Variants in SOHLH2 observed in about 807,000 individuals in gnomAD.
SOHLH2 encodes the protein spermatogenesis- and oogenesis-specific basic helix-loop-helix-containing protein 2.
SOHLH2 carries 22 observed loss-of-function variants against 50.4 expected under a neutral mutation model. The ratio of observed to expected loss-of-function variants is 0.44; its 90% CI spans 0.31 to 0.62. The LOEUF (loss-of-function observed/expected upper bound fraction) is 0.62, where lower values mean the gene tolerates loss of function less well. Among genes scored for constraint, SOHLH2 ranks in the 20% least tolerant of loss-of-function variants. The pLI is 0.08. For missense variants in SOHLH2, 412 were observed against 504.4 expected (o/e 0.82, Z 1.76); for synonymous variants, 185 against 187.3 (o/e 0.99, Z 0.10).
intron 9 of SOHLH2, among the ~76,000 whole-genome samples, chr13:36,173,286 CAGAG>C (rs1323446863): frequency 6.8e-6 from 1 of 146,778 alleles, no homozygotes; most frequent in East Asian, 1.9e-4. Flanking sequence ...ACAAATACAG[CAGAG>C]AAAGTGGCTG....
chr13:36,200,128 A>G (rs1887853318), intron 2 of SOHLH2, among the ~76,000 whole-genome samples: 1 of 152,204 alleles, frequency 6.6e-6, no homozygotes, highest in Non-Finnish European at 1.5e-5. Context: ...TCATCTGTCA[A>G]GTAAGGACAA....
Position 36,168,760 on chromosome 13 carries a change from G to T in SOHLH2, c.*274C>A. 2.2e-6 allele frequency: 1 copy of T among 449,468 alleles called. No homozygotes were observed. Among genetic ancestry groups the T allele is most frequent in the Middle Eastern group, 4.5e-4 (1 of 2,200 alleles). The allele number at this position is 449,468 out of a possible 1,614,324, so 27.8% of individuals were successfully genotyped here. The stretch of plus-strand genomic sequence containing the variant: ...GGAATATTTTTTGAGAAAAGAGAGT[G>T]TAGGTCACTGAGGCCATTTGTTCTT... On this transcript the variant is annotated 3_prime_UTR_variant, in exon 11 of 11. Transcript: ENST00000379881.
intron 9 of SOHLH2, among the ~76,000 whole-genome samples, chr13:36,171,569 G>A (rs1411477359): frequency 2.0e-5 from 3 of 152,148 alleles, no homozygotes; most frequent in African/African-American, 7.2e-5. Flanking sequence ...TGCATTAAGA[G>A]CCTATACATA....
intron 2 of SOHLH2, among the ~76,000 whole-genome samples, chr13:36,195,775 G>A (rs1450823004): frequency 6.6e-6 from 1 of 152,156 alleles, no homozygotes; most frequent in Admixed American, 6.5e-5. Flanking sequence ...TTAAGAAAAT[G>A]TGACACCACA....
At chr13:36,179,354 G>T (rs1440332206) in intron 6 of SOHLH2, among the ~76,000 whole-genome samples, 3 of 152,068 alleles carry the variant, frequency 2.0e-5, no homozygotes, top group Non-Finnish European at 4.4e-5. Flanking sequence ...TATTTTTTCA[G>T]AATTTGTTAA....
intron 9 of SOHLH2, among the ~76,000 whole-genome samples, chr13:36,172,370 T>C (rs1886983729): frequency 6.6e-6 from 1 of 152,240 alleles, no homozygotes; most frequent in Non-Finnish European, 1.5e-5. Context: ...GCAATTTTTT[T>C]TTCTTCTCCT....
chr13:36,178,611 T>C (rs117215307), intron 6 of SOHLH2, among the ~76,000 whole-genome samples: 7,677 of 152,234 alleles, frequency 0.05, 262 homozygotes, highest in Non-Finnish European at 0.075. Flanking sequence ...GTCCTTTTCA[T>C]ACATTGTAAA....
Position 36,174,728 on chromosome 13 carries a change from C to T in SOHLH2, c.783G>A (p.Met261Ile), listed in dbSNP as rs201421116. Residue 261 changes from methionine to isoleucine, a missense_variant, in exon 7 of 11, where the codon ATG (methionine) becomes ATA (isoleucine). Physicochemically the swap from Met to Ile is conservative, Grantham distance 10 (BLOSUM62 1). Transcript: ENST00000379881. ...YIREKISPAV[M>I]AQITEALQSN... ...AGCTTTGGGAGTCAAATACCTGGGC[C>T]ATAACGGCTGGAGAGATTTTCTCCC... 2.5e-6 allele frequency: 4 copies of T among 1,603,606 alleles called. No homozygotes were observed. The African/African-American group carries it at 4.0e-5, about 16-fold the overall frequency.
chr13:36,204,490 T>A (rs1403376408), intron 1 of SOHLH2, among the ~76,000 whole-genome samples: 1 of 152,136 alleles, frequency 6.6e-6, no homozygotes, highest in African/African-American at 2.4e-5. Flanking sequence ...CTGCTTTCAG[T>A]TTTCTTTTTT....
chr13:36,187,071 G>C (rs1887442082), intron 6 of SOHLH2, among the ~76,000 whole-genome samples: 1 of 152,166 alleles, frequency 6.6e-6, no homozygotes, highest in African/African-American at 2.4e-5. Context: ...TAAAGAGAAA[G>C]GGGGAGGTCC....
intron 10 of SOHLH2, 101 bp from the exon 11 acceptor site, chr13:36,169,155 A>C: frequency 1.4e-6 from 2 of 1,433,726 alleles, no homozygotes; most frequent in Non-Finnish European, 1.8e-6. Flanking sequence ...ATCTGAAATG[A>C]TTTGCAAAAC....
At position 36,193,734 on chromosome 13, in the gene SOHLH2, C is replaced by T. The variant is rs111797157; in HGVS notation, c.326-9G>A. On this transcript the variant is annotated splice_polypyrimidine_tract_variant and intron_variant, in intron 3 of 10. Transcript: ENST00000379881. Reference sequence around the variant, plus strand: ...ATGCCCTGAAATACAACCTAAGAATCTTTATATTAAATATTGACCTTATAG... The same window carrying T: ...ATGCCCTGAAATACAACCTAAGAATTTTTATATTAAATATTGACCTTATAG... 2.5e-5 allele frequency: 40 copies of T among 1,607,472 alleles called. No homozygotes were observed. Among genetic ancestry groups the T allele is most frequent in the African/African-American group, 1.5e-4 (11 of 74,584 alleles).
intron 9 of SOHLH2, among the ~76,000 whole-genome samples, chr13:36,172,454 G>A (rs1566034625): frequency 6.6e-6 from 1 of 152,140 alleles, no homozygotes; most frequent in East Asian, 1.9e-4. Context: ...TTGGTGATAT[G>A]AAGAATCAGG....
At chr13:36,183,321 C>G (rs1318209719) in intron 6 of SOHLH2, 1 of 167,568 alleles carries the variant, frequency 6.0e-6, no homozygotes, top group East Asian at 1.5e-4. Flanking sequence ...TGTATGACAA[C>G]AATAAGAAAA....
At position 36,170,512 on chromosome 13, in the gene SOHLH2, T is replaced by C. The variant is rs761904213; in HGVS notation, c.1257+19A>G. 4.3e-6 allele frequency: 7 copies of C among 1,610,486 alleles called. No homozygotes were observed. The highest frequency in any genetic ancestry group is 4.0e-5 in the African/African-American group (3 of 74,866). On this transcript the variant is annotated intron_variant, in intron 10 of 10. Transcript: ENST00000379881. ...GAGTGAAAGGGTCCAATCTGATCCA[T>C]GGACCCCTGGAAACTTACCAGACAG...
intron 6 of SOHLH2, among the ~76,000 whole-genome samples, chr13:36,177,949 T>C (rs1398505307): frequency 6.6e-6 from 1 of 151,996 alleles, no homozygotes; most frequent in African/African-American, 2.4e-5. Context: ...CTCTCATGGT[T>C]ATTGCTTTCT....
At chr13:36,200,962 T>A (rs1887883555) in intron 2 of SOHLH2, among the ~76,000 whole-genome samples, 1 of 141,446 alleles carries the variant, frequency 7.1e-6, no homozygotes, top group African/African-American at 2.7e-5. Flanking sequence ...GGCAGGAGAA[T>A]CACTTGAACC....
chr13:36,173,759 C>T lies in SOHLH2; in HGVS notation c.933G>A (p.Leu311=). ...TYSPERGLQF[L]TNTCWNGCST... ...AGCACCCATTCCAGCACGTATTAGTCAGGAATTGGAGCCCTCTCTCAGGGG... is the reference window on the plus strand; with the variant it reads ...AGCACCCATTCCAGCACGTATTAGTTAGGAATTGGAGCCCTCTCTCAGGGG... The change falls in exon 9 of 11, where the codon CTG becomes CTA. Residue 311 remains leucine (L), a synonymous_variant. Transcript: ENST00000379881. 1 of 1,614,046 alleles carries T rather than the reference C, an allele frequency of 6.2e-7. No homozygotes were observed. Among genetic ancestry groups the T allele is most frequent in the Non-Finnish European group, 8.5e-7 (1 of 1,180,032 alleles).
At chr13:36,190,614 G>C (rs1048922645) in intron 5 of SOHLH2, among the ~76,000 whole-genome samples, 17 of 152,080 alleles carry the variant, frequency 1.1e-4, no homozygotes, top group African/African-American at 4.1e-4. Flanking sequence ...TCTATCCTAA[G>C]AGATATAACT....
Sources: gnomAD v4.1 joint callset for allele counts (sites outside exome capture counted in the v4.1 genomes callset) on GRCh38, gnomAD v4.1.1 for gene constraint, MANE v1.5 for transcripts, NCBI Gene and HGNC (gene_info 2026-07-23, HGNC 2026-07-21) for gene names.